Variants in KLRF1 observed in about 807,000 individuals in gnomAD.
The protein encoded by KLRF1 is killer cell lectin like receptor F1, also known as killer cell lectin-like receptor subfamily F member 1.
Under a neutral mutation model 30.7 loss-of-function variants are expected in KLRF1, and 27 were observed. That is an observed-to-expected ratio of 0.88 (90% CI 0.65 to 1.21). The LOEUF (loss-of-function observed/expected upper bound fraction) is 1.21. KLRF1 is among the 50% of genes most tolerant of loss of function. KLRF1 has a pLI of 0.00. For missense variants in KLRF1, 246 were observed against 259.3 expected, an observed-to-expected ratio of 0.95 and a Z score of 0.35; for synonymous variants, 92 against 89.3, an observed-to-expected ratio of 1.03 and a Z score of -0.17.
At chr12:9,808,124 A>T in the KLRF1 span, among the ~76,000 whole-genome samples, 1 of 151,208 alleles carries the variant, frequency 6.6e-6, no homozygotes, top group South Asian at 2.1e-4. Flanking sequence ...TAACTAAAGT[A>T]AAACTTGCCT....
chr12:9,835,701 A>G (rs1867560830), intron 3 of KLRF1, among the ~76,000 whole-genome samples: 1 of 152,122 alleles, frequency 6.6e-6, no homozygotes, highest in Non-Finnish European at 1.5e-5. Context: ...GATGAAGAGT[A>G]AAGGAACATG....
At chr12:9,817,196 T>C in the KLRF1 span, among the ~76,000 whole-genome samples, 1 of 152,252 alleles carries the variant, frequency 6.6e-6, no homozygotes, top group Non-Finnish European at 1.5e-5. Flanking sequence ...ACATGAATGT[T>C]AAATTCTAAT....
chr12:9,816,986 G>A, the KLRF1 span, among the ~76,000 whole-genome samples: 1 of 151,934 alleles, frequency 6.6e-6, no homozygotes. Context: ...GCCCGCCTCA[G>A]CCTCCCATCC....
chr12:9,812,131 C>T, the KLRF1 span, among the ~76,000 whole-genome samples: 2 of 152,034 alleles, frequency 1.3e-5, no homozygotes, highest in African/African-American at 2.4e-5. Context: ...GTTGGGAGGC[C>T]GAGGCGGGCG....
chr12:9,841,663 G>T, intron 3 of KLRF1, 149 bp from the exon 4 acceptor site: 2 of 530,818 alleles, frequency 3.8e-6, no homozygotes, highest in South Asian at 3.6e-5. Context: ...TTGTGTTTTG[G>T]CCATCTTTTG....
chr12:9,833,449 A>G lies in KLRF1; in HGVS notation c.331A>G (p.Thr111Ala). 1 of 1,602,998 alleles carries G rather than the reference A, an allele frequency of 6.2e-7. No homozygotes were observed. Among genetic ancestry groups the G allele is most frequent in the Non-Finnish European group, 8.5e-7 (1 of 1,175,462 alleles). ...DLCASRSADQ[T>A]VLCQSEWLKY... The stretch of plus-strand genomic sequence containing the variant: ...TTGTGCTTCGAGATCTGCAGACCAG[A>G]CAGGTATGTCTCAAGGCTTTGGCTT... Residue 111 changes from threonine (T) to alanine (A), a missense_variant, in exon 3 of 6, where the codon ACA (threonine) becomes GCA (alanine). Thr to Ala is a moderately conservative substitution (Grantham distance 58). Transcript: ENST00000617889.
intron 3 of KLRF1, 51 bp from the exon 4 acceptor site, chr12:9,841,761 A>G (rs906901151): frequency 1.4e-6 from 2 of 1,436,576 alleles, no homozygotes; most frequent in Admixed American, 4.1e-5. Flanking sequence ...GCCAATTTTC[A>G]GAGATGCATA....
At chr12:9,805,709 CTA>C in the KLRF1 span, among the ~76,000 whole-genome samples, 1 of 151,940 alleles carries the variant, frequency 6.6e-6, no homozygotes, top group Admixed American at 6.6e-5. Context: ...TTTTATATTT[CTA>C]TGTGGTTTTT....
chr12:9,805,016 C>T, the KLRF1 span, among the ~76,000 whole-genome samples: 1 of 151,706 alleles, frequency 6.6e-6, no homozygotes, highest in South Asian at 2.1e-4. Flanking sequence ...ATTCAATTTG[C>T]TAATATTTTA....
At chr12:9,809,507 C>T in the KLRF1 span, among the ~76,000 whole-genome samples, 1 of 152,026 alleles carries the variant, frequency 6.6e-6, no homozygotes, top group Admixed American at 6.5e-5. Flanking sequence ...GGAACTAAAG[C>T]TACTTAGCCA....
intron 5 of KLRF1, among the ~76,000 whole-genome samples, chr12:9,842,951 A>T (rs1352257155): frequency 6.6e-6 from 1 of 152,206 alleles, no homozygotes; most frequent in African/African-American, 2.4e-5. Context: ...TCAAAATCCT[A>T]TTCCTATGTT....
chr12:9,810,065 T>G, the KLRF1 span, among the ~76,000 whole-genome samples: 2 of 152,182 alleles, frequency 1.3e-5, no homozygotes, highest in South Asian at 4.1e-4. Flanking sequence ...AATGACAACA[T>G]CTGAATAGTG....
In KLRF1 at chr12:9,841,908, A is replaced by G; in HGVS notation, c.431A>G (p.Glu144Gly). Residue 144 changes from glutamate to glycine, a missense_variant, in exon 4 of 6, where the codon GAA (glutamate) becomes GGA (glycine). By Grantham distance (98) the Glu-to-Gly change is moderately conservative (BLOSUM62 -2). Transcript: ENST00000617889. ...AGTGACAGTTATGTGTATTGTTTGG[A>G]AAGAAAATCTCATCTACTAATCATA... is the stretch of plus-strand genomic sequence containing the variant. ...SWSDSYVYCL[E>G]RKSHLLIIHD... 4.3e-6 allele frequency: 7 copies of G among 1,612,440 alleles called. No individual in the cohort carries two copies. The highest frequency in any genetic ancestry group is 5.9e-6 in the Non-Finnish European group (7 of 1,178,902).
At chr12:9,836,166 C>T (rs1446382852) in intron 3 of KLRF1, among the ~76,000 whole-genome samples, 1 of 151,908 alleles carries the variant, frequency 6.6e-6, no homozygotes, top group Admixed American at 6.6e-5. Flanking sequence ...TAGAGGGTGA[C>T]ATAAGAATGG....
intron 1 of KLRF1, among the ~76,000 whole-genome samples, chr12:9,828,236 T>C (rs1867326156): frequency 6.6e-6 from 1 of 151,984 alleles, no homozygotes; most frequent in Non-Finnish European, 1.5e-5. Flanking sequence ...CCCGCCACCA[T>C]GCCTGGCTAA....
intron 3 of KLRF1, among the ~76,000 whole-genome samples, chr12:9,836,857 G>A (rs1023537984): frequency 6.6e-6 from 1 of 151,950 alleles, no homozygotes; most frequent in Non-Finnish European, 1.5e-5. Flanking sequence ...AAATTAAGGC[G>A]GCTTTGGTAG....
chr12:9,812,641 T>C, the KLRF1 span, among the ~76,000 whole-genome samples: 2 of 152,198 alleles, frequency 1.3e-5, no homozygotes, highest in African/African-American at 4.8e-5. Context: ...TATCAGATTC[T>C]GGTTTCTCAT....
chr12:9,815,943 T>C, the KLRF1 span, among the ~76,000 whole-genome samples: 6 of 150,608 alleles, frequency 4.0e-5, no homozygotes, highest in East Asian at 9.7e-4. Flanking sequence ...TTCAGCCTCC[T>C]GAATAGCTGG....
chr12:9,835,211 T>C (rs964943875), intron 3 of KLRF1, among the ~76,000 whole-genome samples: 1 of 152,092 alleles, frequency 6.6e-6, no homozygotes, highest in African/African-American at 2.4e-5. Context: ...CCTGTCCAAT[T>C]AGCAGGTAGA....
Sources: allele counts gnomAD v4.1 joint callset (sites outside exome capture counted in the v4.1 genomes callset), GRCh38; gene constraint gnomAD v4.1.1; transcripts MANE v1.5; gene names NCBI Gene and HGNC (gene_info 2026-07-23, HGNC 2026-07-21).